ABLIM1: variants seen among roughly 807,000 people sequenced by gnomAD.
The protein encoded by ABLIM1 is actin binding LIM protein 1, also known as actin-binding LIM protein 1.
A neutral mutation model predicts 107.0 loss-of-function variants in ABLIM1; 40 were observed. The observed-to-expected ratio is 0.37, with a 90% confidence interval of 0.29 to 0.49. ABLIM1 has a LOEUF of 0.49. Ranked by LOEUF, ABLIM1 falls within the 20% of genes least tolerant of loss-of-function variation. The pLI is 0.97. For synonymous variants in ABLIM1, 357 were observed against 357.3 expected (o/e 1.00, Z 0.01); for missense variants, 857 against 1,008.5 (o/e 0.85, Z 2.04).
At chr10:114,521,526 T>C (rs922076169) in intron 6 of ABLIM1, among the ~76,000 whole-genome samples, 8 of 152,210 alleles carry the variant, frequency 5.3e-5, no homozygotes, top group African/African-American at 1.4e-4. Context: ...TAGTGTAATG[T>C]ACAAAGTGAG....
the ABLIM1 span, among the ~76,000 whole-genome samples, chr10:114,775,563 T>C: frequency 6.6e-6 from 1 of 152,220 alleles, no homozygotes; most frequent in African/African-American, 2.4e-5. Flanking sequence ...GTTCTCAGTG[T>C]TCTGCAGATG....
chr10:114,768,055 A>T, intron 1 of ABLIM1: 1 of 430,676 alleles, frequency 2.3e-6, no homozygotes, highest in South Asian at 1.6e-5. Context: ...CCTGGTCCCC[A>T]CTCACCTCTG....
At chr10:114,683,347 C>T (rs1359294710) in intron 1 of ABLIM1, among the ~76,000 whole-genome samples, 1 of 152,188 alleles carries the variant, frequency 6.6e-6, no homozygotes, top group Non-Finnish European at 1.5e-5. Flanking sequence ...TTTAAATCAG[C>T]ATAGTCTTTC....
At chr10:114,556,762 T>C (rs1315148504) in intron 4 of ABLIM1, among the ~76,000 whole-genome samples, 2 of 152,146 alleles carry the variant, frequency 1.3e-5, no homozygotes, top group Non-Finnish European at 2.9e-5. Context: ...AGGTCCCAAA[T>C]CAGACACCTA....
chr10:114,605,229 T>A (rs1319481350), intron 1 of ABLIM1, among the ~76,000 whole-genome samples: 1 of 152,206 alleles, frequency 6.6e-6, no homozygotes, highest in Non-Finnish European at 1.5e-5. Flanking sequence ...TCTCTCCTTT[T>A]CCAAAACGAA....
At chr10:114,596,515 CA>C (rs780695878) in intron 2 of ABLIM1, among the ~76,000 whole-genome samples, 1 of 152,134 alleles carries the variant, frequency 6.6e-6, no homozygotes, top group Non-Finnish European at 1.5e-5. Context: ...CGAGACCCCC[CA>C]TCACAAAATA....
chr10:114,657,755 C>T (rs1214213077), intron 1 of ABLIM1, among the ~76,000 whole-genome samples: 2 of 152,140 alleles, frequency 1.3e-5, no homozygotes, highest in African/African-American at 2.4e-5. Flanking sequence ...AAATCCTGGA[C>T]AAAAATATCC....
At chr10:114,532,043 G>A (rs1221696747) in intron 6 of ABLIM1, among the ~76,000 whole-genome samples, 5 of 152,038 alleles carry the variant, frequency 3.3e-5, no homozygotes, top group African/African-American at 1.2e-4. Context: ...TCGAACTCCT[G>A]GCCTCAAGTG....
At chr10:114,574,741 C>G (rs1374108962) in intron 3 of ABLIM1, among the ~76,000 whole-genome samples, 1 of 152,170 alleles carries the variant, frequency 6.6e-6, no homozygotes, top group African/African-American at 2.4e-5. Context: ...CACGCCCAGC[C>G]TGACTGATCA....
intron 8 of ABLIM1, among the ~76,000 whole-genome samples, chr10:114,479,818 A>G (rs1016842366): frequency 5.9e-5 from 9 of 152,234 alleles, no homozygotes; most frequent in African/African-American, 2.2e-4. Flanking sequence ...TTACATTTCA[A>G]TTTGAAACAT....
chr10:114,598,822 T>C (rs913763747), intron 2 of ABLIM1, among the ~76,000 whole-genome samples: 7 of 152,234 alleles, frequency 4.6e-5, no homozygotes, highest in African/African-American at 1.2e-4. Context: ...TTTAGAATTA[T>C]ACAAGTGGCT....
At chr10:114,526,554 A>G in intron 6 of ABLIM1, 5 of 859,486 alleles carry the variant, frequency 5.8e-6, no homozygotes, top group Non-Finnish European at 7.0e-6. Flanking sequence ...CAGCCACCAC[A>G]TTTGGAGGAT....
At chr10:114,764,469 G>A (rs551431712) in intron 1 of ABLIM1, among the ~76,000 whole-genome samples, 1 of 152,072 alleles carries the variant, frequency 6.6e-6, no homozygotes, top group South Asian at 2.1e-4. Flanking sequence ...AGCCTCCCGA[G>A]TAGCTGGGAT....
intron 10 of ABLIM1, among the ~76,000 whole-genome samples, chr10:114,468,572 C>G (rs753874917): frequency 1.3e-5 from 2 of 152,042 alleles, no homozygotes; most frequent in Non-Finnish European, 2.9e-5. Flanking sequence ...CCGCGCCTGG[C>G]CTCTTTGCCA....
intron 4 of ABLIM1, among the ~76,000 whole-genome samples, chr10:114,565,056 A>G (rs546329511): frequency 6.6e-6 from 1 of 152,374 alleles, no homozygotes; most frequent in Admixed American, 6.5e-5. Context: ...TCAAGGTCAC[A>G]TATCCTTTAA....
intron 4 of ABLIM1, among the ~76,000 whole-genome samples, chr10:114,553,091 C>T (rs186380550): frequency 0.02 from 2,473 of 124,612 alleles, 34 homozygotes; most frequent in South Asian, 0.023. Flanking sequence ...CTATTTCCGC[C>T]TTCCTGGAAT....
intron 19 of ABLIM1, 66 bp downstream of exon 19, chr10:114,440,951 G>T: frequency 1.4e-6 from 2 of 1,446,342 alleles, no homozygotes; most frequent in South Asian, 2.4e-5. Flanking sequence ...CAGTATACTT[G>T]ACTCTCATGA....
At chr10:114,653,376 T>TAAA (rs35980324) in intron 1 of ABLIM1, among the ~76,000 whole-genome samples, 1 of 149,928 alleles carries the variant, frequency 6.7e-6, no homozygotes, top group East Asian at 2.0e-4. Context: ...ACCCTGTCTC[T>TAAA]AAAAAAAAAA....
At chr10:114,575,717 G>A in intron 2 of ABLIM1, 118 bp from the exon 3 acceptor site, 1 of 1,080,970 alleles carries the variant, frequency 9.3e-7, no homozygotes, top group South Asian at 1.6e-5. Context: ...GGGCTAGGGA[G>A]GGGATGGCTA....
Sources: gnomAD v4.1 joint callset for allele counts (sites outside exome capture counted in the v4.1 genomes callset) on GRCh38, gnomAD v4.1.1 for gene constraint, MANE v1.5 for transcripts, NCBI Gene and HGNC (gene_info 2026-07-23, HGNC 2026-07-21) for gene names.